Variants in GABRB3 observed in about 807,000 individuals in gnomAD.
The protein encoded by GABRB3 is gamma-aminobutyric acid type A receptor subunit beta3.
GABRB3 carries 14 observed loss-of-function variants against 52.1 expected under a neutral mutation model. The observed-to-expected ratio is 0.27, with a 90% CI of 0.18 to 0.42. GABRB3 has a LOEUF of 0.42. Among genes scored for constraint, GABRB3 ranks in the 10% least tolerant of loss-of-function variants. The probability of loss-of-function intolerance (pLI) is 1.00; values close to 1 mark genes in which losing one functional copy is unlikely to be tolerated. For missense variants in GABRB3, 307 were observed against 609.1 expected (o/e 0.50, Z 5.22); for synonymous variants, 260 against 232.3 (o/e 1.12, Z -1.08).
intron 6 of GABRB3, among the ~76,000 whole-genome samples, chr15:26,577,657 C>T (rs1890641280): frequency 6.6e-6 from 1 of 152,190 alleles, no homozygotes; most frequent in African/African-American, 2.4e-5. Context: ...AAGTTACAGT[C>T]GTGCCCCTCG....
At chr15:26,710,238 G>A (rs896917780) in intron 3 of GABRB3, among the ~76,000 whole-genome samples, 3 of 151,874 alleles carry the variant, frequency 2.0e-5, no homozygotes, top group African/African-American at 7.3e-5. Flanking sequence ...CAGAAATCGT[G>A]TGGCATATAA....
chr15:26,592,271 T>A (rs757386506), intron 4 of GABRB3, among the ~76,000 whole-genome samples: 2 of 152,188 alleles, frequency 1.3e-5, no homozygotes, highest in Non-Finnish European at 2.9e-5. Context: ...CACCTTAACC[T>A]GATCTTCACA....
intron 4 of GABRB3, among the ~76,000 whole-genome samples, chr15:26,602,902 A>T (rs1891640132): frequency 6.6e-6 from 1 of 152,082 alleles, no homozygotes; most frequent in African/African-American, 2.4e-5. Flanking sequence ...AGAAGAAAAG[A>T]AATAATAAAG....
chr15:26,559,471 G>T (rs1181846570), intron 8 of GABRB3, among the ~76,000 whole-genome samples: 1 of 151,222 alleles, frequency 6.6e-6, no homozygotes, highest in East Asian at 2.0e-4. Flanking sequence ...TATAGCAACA[G>T]AACAATGGCC....
chr15:26,721,705 A>G (rs1251722284), intron 3 of GABRB3, among the ~76,000 whole-genome samples: 1 of 151,946 alleles, frequency 6.6e-6, no homozygotes, highest in African/African-American at 2.4e-5. Context: ...TACCTAAGGG[A>G]AAGAGCCTGC....
intron 3 of GABRB3, among the ~76,000 whole-genome samples, chr15:26,663,921 T>C (rs1319757583): frequency 2.0e-5 from 3 of 152,240 alleles, no homozygotes; most frequent in Admixed American, 2.0e-4. Flanking sequence ...TTAACATATA[T>C]GTAAGTCATA....
Position 26,599,720 on chromosome 15 carries a change from G to A in GABRB3, c.462-16306C>T, listed in dbSNP as rs1458816419. Among the ~76,000 whole-genome samples, 3 of 152,160 alleles carry A rather than the reference G, an allele frequency of 2.0e-5. No individual in the cohort carries two copies. The East Asian group carries it at 5.8e-4, about 29-fold the overall frequency. ...GATGAGATAGTGAAGGTCTATCACT[G>A]CCAAACAGAAAAACAAACAAAACAA... On this transcript the variant is annotated intron_variant, in intron 4 of 8. Transcript: ENST00000311550.
rs1231516003 is a variant in GABRB3, at chr15:26,544,555, CATGGT to C, written c.*3233_*3237del. 6.6e-6 allele frequency: 1 copy of C among 152,182 alleles called. No individual in the cohort carries two copies. Among genetic ancestry groups the C allele is most frequent in the Non-Finnish European group, 1.5e-5 (1 of 68,046 alleles). The allele number at this position is 152,182 out of a possible 1,614,324, so 9.4% of individuals were successfully genotyped here. On this transcript the variant is annotated 3_prime_UTR_variant, in exon 9 of 9. Transcript: ENST00000311550. ...TGAGATTCAGGGGAAATGGATGTCG[CATGGT>C]ATAGACAGTGAAACCCCTCCACAGT...
At chr15:26,648,239 G>A (rs9806546) in intron 3 of GABRB3, among the ~76,000 whole-genome samples, 37,786 of 152,082 alleles carry the variant, frequency 0.25, 5,979 homozygotes, top group East Asian at 0.83. Context: ...GTCACATAGC[G>A]TTTGTCCTTT....
chr15:26,704,842 C>T (rs1422080801), intron 3 of GABRB3, among the ~76,000 whole-genome samples: 1 of 152,170 alleles, frequency 6.6e-6, no homozygotes, highest in Non-Finnish European at 1.5e-5. Flanking sequence ...GCCAACACCA[C>T]TTAGGTAATC....
chr15:26,769,385 C>G (rs1470744891), intron 3 of GABRB3, among the ~76,000 whole-genome samples: 1 of 152,166 alleles, frequency 6.6e-6, no homozygotes, highest in Non-Finnish European at 1.5e-5. Flanking sequence ...TCTAAATTAA[C>G]TTTTTGGCCA....
chr15:26,619,719 A>G (rs1267637651), intron 4 of GABRB3, among the ~76,000 whole-genome samples: 1 of 152,132 alleles, frequency 6.6e-6, no homozygotes, highest in South Asian at 2.1e-4. Flanking sequence ...ATAAAAGTGG[A>G]GAAAACTGAA....
At chr15:26,709,366 C>T (rs1043250277) in intron 3 of GABRB3, among the ~76,000 whole-genome samples, 8 of 152,090 alleles carry the variant, frequency 5.3e-5, no homozygotes, top group Admixed American at 2.6e-4. Context: ...CTCTTGTTCC[C>T]TCTTTCTCCA....
chr15:26,594,283 T>C (rs373278588), intron 4 of GABRB3, among the ~76,000 whole-genome samples: 55 of 152,068 alleles, frequency 3.6e-4, no homozygotes, highest in African/African-American at 1.2e-3. Context: ...TGATTTTTTT[T>C]CCCCTGAAAC....
At chr15:26,649,033 C>T (rs940777359) in intron 3 of GABRB3, among the ~76,000 whole-genome samples, 8 of 151,332 alleles carry the variant, frequency 5.3e-5, no homozygotes, top group African/African-American at 1.5e-4. Context: ...AGGGTCTGGG[C>T]GAGCAGGGAG....
intron 3 of GABRB3, among the ~76,000 whole-genome samples, chr15:26,740,437 G>A (rs1404855457): frequency 1.3e-5 from 2 of 152,010 alleles, no homozygotes; most frequent in Non-Finnish European, 2.9e-5. Context: ...TGACAAGGAC[G>A]CTGCAGTGAG....
At chr15:26,609,597 A>G (rs905323027) in intron 4 of GABRB3, among the ~76,000 whole-genome samples, 3 of 152,126 alleles carry the variant, frequency 2.0e-5, no homozygotes, top group Non-Finnish European at 4.4e-5. Flanking sequence ...TCATGTCTAC[A>G]TTGTGTGGTT....
intron 4 of GABRB3, among the ~76,000 whole-genome samples, chr15:26,609,083 TACACACACACACACACACATACACAC>T (rs1374312445): frequency 7.0e-6 from 1 of 143,542 alleles, no homozygotes; most frequent in East Asian, 2.1e-4. Context: ...TTTTTAATGA[TACACACACACACACACACATACACAC>T]ACACACACAC....
chr15:26,742,373 A>G (rs547274301), intron 3 of GABRB3, among the ~76,000 whole-genome samples: 2 of 113,508 alleles, frequency 1.8e-5, no homozygotes, highest in Admixed American at 1.2e-4. Flanking sequence ...TTTCTGGTCT[A>G]TGATGTATTG....
Sources: allele counts gnomAD v4.1 joint callset (sites outside exome capture counted in the v4.1 genomes callset), GRCh38; gene constraint gnomAD v4.1.1; transcripts MANE v1.5; gene names NCBI Gene and HGNC (gene_info 2026-07-23, HGNC 2026-07-21).